Variants in PCDHA3 observed in about 807,000 individuals in gnomAD.
PCDHA3 encodes protocadherin alpha 3, also known as protocadherin alpha-3.
PCDHA3 carries 41 observed loss-of-function variants against 62.2 expected under a neutral mutation model. The ratio of observed to expected loss-of-function variants is 0.66; its 90% CI spans 0.51 to 0.86. PCDHA3 has a LOEUF of 0.86. Ranked by LOEUF, PCDHA3 falls within the 40% of genes least tolerant of loss-of-function variation. The pLI is 0.00. For synonymous variants in PCDHA3, 640 were observed against 555.4 expected (o/e 1.15, Z -2.14); for missense variants, 1,304 against 1,241.2 (o/e 1.05, Z -0.76).
chr5:140,909,516 C>G (rs1213307040), intron 1 of PCDHA3, among the ~76,000 whole-genome samples: 1 of 152,152 alleles, frequency 6.6e-6, no homozygotes, highest in Non-Finnish European at 1.5e-5. Context: ...GAATCACAAC[C>G]CCTGCACATT....
chr5:141,006,503 G>A (rs1163915409), intron 3 of PCDHA3, among the ~76,000 whole-genome samples: 2 of 152,168 alleles, frequency 1.3e-5, no homozygotes, highest in South Asian at 2.1e-4. Context: ...GTGAGCCACC[G>A]CGCCTGGCTG....
intron 3 of PCDHA3, among the ~76,000 whole-genome samples, chr5:141,000,419 A>G (rs1394449061): frequency 1.6e-5 from 1 of 61,008 alleles, no homozygotes; most frequent in African/African-American, 7.6e-5. Flanking sequence ...ATATATATAT[A>G]TATTTTTTTT....
chr5:140,809,489 G>A (rs1554125251), intron 1 of PCDHA3: 1 of 1,614,246 alleles, frequency 6.2e-7, no homozygotes, highest in East Asian at 2.2e-5. Context: ...ACCCAAGACC[G>A]ACCTCATGGC....
chr5:140,881,326 C>G, intron 1 of PCDHA3: 1 of 984,388 alleles, frequency 1.0e-6, no homozygotes, highest in Non-Finnish European at 1.2e-6. Flanking sequence ...TTCTATTTAA[C>G]CAGGACGCCG....
chr5:140,836,207 G>A, intron 1 of PCDHA3: 1 of 1,613,844 alleles, frequency 6.2e-7, no homozygotes, highest in Non-Finnish European at 8.5e-7. Context: ...CGTGGCTTTC[G>A]TATGAGTTGC....
At chr5:140,838,664 G>C (rs950566042) in intron 1 of PCDHA3, among the ~76,000 whole-genome samples, 1 of 152,010 alleles carries the variant, frequency 6.6e-6, no homozygotes, top group Non-Finnish European at 1.5e-5. Flanking sequence ...AACGGGGCAT[G>C]GTGGCACACA....
intron 1 of PCDHA3, among the ~76,000 whole-genome samples, chr5:140,918,591 A>G (rs1554198702): frequency 6.6e-6 from 1 of 152,238 alleles, no homozygotes; most frequent in African/African-American, 2.4e-5. Context: ...TATATGTTCT[A>G]TAGATGTTGC....
At chr5:140,875,518 C>T in intron 1 of PCDHA3, 1 of 1,614,008 alleles carries the variant, frequency 6.2e-7, no homozygotes, top group Non-Finnish European at 8.5e-7. Flanking sequence ...GCGTCTGCTG[C>T]TCTCGCTTCT....
At chr5:140,845,439 T>C (rs965524315) in intron 1 of PCDHA3, among the ~76,000 whole-genome samples, 1 of 149,744 alleles carries the variant, frequency 6.7e-6, no homozygotes, top group Non-Finnish European at 1.5e-5. Flanking sequence ...ATTTTAGTTC[T>C]GTTTTTCTTC....
intron 1 of PCDHA3, among the ~76,000 whole-genome samples, chr5:140,896,345 C>T (rs113477424): frequency 0.12 from 18,881 of 152,098 alleles, 1,242 homozygotes; most frequent in Middle Eastern, 0.19. Flanking sequence ...TTTATATTCC[C>T]GCCAGCAGTG....
At chr5:140,933,863 A>G (rs2089469278) in intron 1 of PCDHA3, among the ~76,000 whole-genome samples, 1 of 151,666 alleles carries the variant, frequency 6.6e-6, no homozygotes, top group Non-Finnish European at 1.5e-5. Context: ...ATTTTTTCAG[A>G]TATATGTTAG....
At chr5:140,875,346 T>A in intron 1 of PCDHA3, 1 of 1,443,436 alleles carries the variant, frequency 6.9e-7, no homozygotes, top group Non-Finnish European at 9.1e-7. Flanking sequence ...GACTCCATAA[T>A]GACTGTGATG....
At chr5:140,963,206 AC>A (rs145404740) in intron 1 of PCDHA3, among the ~76,000 whole-genome samples, 1,595 of 152,188 alleles carry the variant, frequency 0.01, 28 homozygotes, top group African/African-American at 0.037. Context: ...GAAAAAAAAA[AC>A]CTCGTGTTTA....
rs2150361317 is a variant in PCDHA3, at chr5:140,843,502, C to A, written c.2394+39911C>A. The A allele has an allele frequency of 3.1e-6, 5 of 1,595,926 alleles. 1 individual carries two copies. The highest frequency in any genetic ancestry group is 4.3e-6 in the Non-Finnish European group (5 of 1,165,570). On this transcript the variant is annotated intron_variant, in intron 1 of 3. Transcript: ENST00000522353. ...CTGCGCTGCGGTGCTCAGCACTGCC[C>A]ACTGAGGGCGGGTGCCGGGCGGGCA...
In PCDHA3 at chr5:140,801,648, C is replaced by A. The variant is rs782225894; in HGVS notation, c.451C>A (p.Arg151=). Reference sequence around the variant, plus strand: ...TTCCGAATCCCGACAGCCTGGCTCTCGGTTTTCGCTAGAGGGCGCATCAGA... The same window carrying A: ...TTCCGAATCCCGACAGCCTGGCTCTAGGTTTTCGCTAGAGGGCGCATCAGA... ...FISESRQPGS[R]FSLEGASDAD... is the part of the protein sequence containing the mutation. The change falls in exon 1 of 4, where the codon CGG becomes AGG. Residue 151 remains arginine (R), a synonymous_variant. Coordinates refer to ENST00000522353, the MANE Select transcript of PCDHA3 (RefSeq NM_018906.3). The A allele has an allele frequency of 6.2e-7, 1 of 1,614,156 alleles. No homozygotes were observed. The highest frequency in any genetic ancestry group is 8.5e-7 in the Non-Finnish European group (1 of 1,180,018).
chr5:140,892,310 A>T (rs1346325979), intron 1 of PCDHA3, among the ~76,000 whole-genome samples: 1 of 152,230 alleles, frequency 6.6e-6, no homozygotes, highest in African/African-American at 2.4e-5. Flanking sequence ...TTTGGGGCTT[A>T]TAACATTTTC....
At chr5:140,997,420 G>A (rs1300822693) in intron 3 of PCDHA3, among the ~76,000 whole-genome samples, 4 of 152,042 alleles carry the variant, frequency 2.6e-5, no homozygotes, top group African/African-American at 9.7e-5. Flanking sequence ...TTTCTCCTAG[G>A]CTACAAACCT....
chr5:140,993,291 C>A (rs961103629), intron 3 of PCDHA3, among the ~76,000 whole-genome samples: 6 of 152,068 alleles, frequency 3.9e-5, no homozygotes, highest in African/African-American at 1.4e-4. Flanking sequence ...CCCAGGGTCA[C>A]AACCTTGCCT....
chr5:140,839,214 T>TG (rs2150295462), intron 1 of PCDHA3, among the ~76,000 whole-genome samples: 88,381 of 151,600 alleles, frequency 0.58, 26,863 homozygotes, highest in African/African-American at 0.73. Context: ...CCTTCAAAGA[T>TG]GTAACTGTAA....
Sources: allele counts gnomAD v4.1 joint callset (sites outside exome capture counted in the v4.1 genomes callset), GRCh38; gene constraint gnomAD v4.1.1; transcripts MANE v1.5; gene names NCBI Gene and HGNC (gene_info 2026-07-23, HGNC 2026-07-21).